Variants in MSRA observed in about 807,000 individuals in gnomAD.
MSRA encodes mitochondrial peptide methionine sulfoxide reductase.
A neutral mutation model predicts 31.3 loss-of-function variants in MSRA; 54 were observed. That is an observed-to-expected ratio of 1.73 (90% confidence interval 1.39 to 2.17). The LOEUF is 2.17. MSRA is among the 30% of genes most tolerant of loss of function. The pLI is 0.00. For synonymous variants in MSRA, 169 were observed against 116.5 expected, an observed-to-expected ratio of 1.45 and a Z score of -2.90; for missense variants, 507 against 300.9, an observed-to-expected ratio of 1.69 and a Z score of -5.07.
intron 1 of MSRA, among the ~76,000 whole-genome samples, chr8:10,178,736 G>GAAAGATTGGAAACTCTCAATTTTGTC (rs1477903060): frequency 6.6e-6 from 1 of 152,130 alleles, no homozygotes; most frequent in Admixed American, 6.5e-5. Flanking sequence ...CTGTGATGTT[G>GAAAGATTGGAAACTCTCAATTTTGTC]AAAGATTGGA....
At chr8:10,315,223 C>G (rs1029575711) in intron 4 of MSRA, among the ~76,000 whole-genome samples, 1 of 152,132 alleles carries the variant, frequency 6.6e-6, no homozygotes, top group Admixed American at 6.5e-5. Context: ...AGCTACAGCT[C>G]AAGATGAGAT....
chr8:10,374,589 G>T (rs978424247), intron 5 of MSRA, among the ~76,000 whole-genome samples: 23 of 152,204 alleles, frequency 1.5e-4, no homozygotes, highest in African/African-American at 5.5e-4. Context: ...GGCCTTCCCT[G>T]TGTCCCACTC....
At chr8:10,364,318 CA>C (rs1257322795) in intron 5 of MSRA, among the ~76,000 whole-genome samples, 1 of 152,164 alleles carries the variant, frequency 6.6e-6, no homozygotes, top group East Asian at 1.9e-4. Context: ...GAATCATCAA[CA>C]CAGGCTCCTG....
chr8:10,210,189 G>A (rs540330802), intron 2 of MSRA, among the ~76,000 whole-genome samples: 3 of 152,284 alleles, frequency 2.0e-5, no homozygotes, highest in Admixed American at 6.5e-5. Flanking sequence ...CATCCTGCCA[G>A]CCTCTTGCAA....
chr8:10,176,238 C>T (rs1444624690), intron 1 of MSRA, among the ~76,000 whole-genome samples: 1 of 152,224 alleles, frequency 6.6e-6, no homozygotes, highest in Admixed American at 6.5e-5. Flanking sequence ...TTCAGGAGAG[C>T]CTGCCTGTGG....
rs369983705 is a variant in MSRA, at chr8:10,409,527, C to G, written c.544-18621C>G. On this transcript the variant is annotated intron_variant, in intron 5 of 5. Transcript: ENST00000317173. ...TGGGTTGAAATACTGCCTCTCCTCT[C>G]CTTTGCTAAGCACCCTTCTTACCAA... is the stretch of plus-strand genomic sequence containing the variant. Among the ~76,000 whole-genome samples, 40 of 152,334 alleles carry G rather than the reference C, an allele frequency of 2.6e-4. No homozygotes were observed. In the East Asian group the frequency reaches 4.8e-3, roughly 18 times the overall value.
chr8:10,071,916 A>T (rs1797751745), intron 1 of MSRA, among the ~76,000 whole-genome samples: 1 of 152,232 alleles, frequency 6.6e-6, no homozygotes, highest in South Asian at 2.1e-4. Context: ...ATAGTTACAC[A>T]GAGAAGAGAC....
rs1799965341 is a variant in MSRA, at chr8:10,286,870, C to T, written c.332-14664C>T. ...TTTATAGTTAAAGCCTGTGTGTACG[C>T]ACATGTGTGTGCACACACGTGTATA... On this transcript the variant is annotated intron_variant, in intron 3 of 5. Coordinates refer to ENST00000317173, the MANE Select transcript of MSRA (RefSeq NM_012331.5). Among the ~76,000 whole-genome samples the T allele has an allele frequency of 2.0e-5, 3 of 152,246 alleles. No homozygotes were observed. In the South Asian group the frequency reaches 6.2e-4, roughly 31 times the overall value.
At chr8:10,236,864 T>C (rs532571106) in intron 2 of MSRA, among the ~76,000 whole-genome samples, 1 of 152,284 alleles carries the variant, frequency 6.6e-6, no homozygotes, top group South Asian at 2.1e-4. Flanking sequence ...AAGATCTTTA[T>C]GGAGAAAATT....
At chr8:10,340,507 G>A (rs1803358206) in intron 5 of MSRA, among the ~76,000 whole-genome samples, 1 of 152,152 alleles carries the variant, frequency 6.6e-6, no homozygotes, top group Admixed American at 6.5e-5. Context: ...AGAATAGCTG[G>A]GATTTTAGGC....
At chr8:10,169,735 C>T (rs1351808148) in intron 1 of MSRA, among the ~76,000 whole-genome samples, 2 of 152,132 alleles carry the variant, frequency 1.3e-5, no homozygotes, top group Non-Finnish European at 2.9e-5. Context: ...TAAATGATAC[C>T]TTAAAAACTG....
At chr8:10,059,931 C>G (rs1425454681) in intron 1 of MSRA, among the ~76,000 whole-genome samples, 7 of 152,198 alleles carry the variant, frequency 4.6e-5, no homozygotes, top group African/African-American at 1.7e-4. Context: ...ATGTTTCAGA[C>G]TGGCAGAAAT....
intron 1 of MSRA, among the ~76,000 whole-genome samples, chr8:10,063,391 A>G (rs2628136): frequency 0.21 from 32,435 of 152,232 alleles, 3,651 homozygotes; most frequent in Admixed American, 0.3. Context: ...GACCTGTCCA[A>G]TGACACTCTT....
At chr8:10,140,468 C>T (rs367970572) in intron 1 of MSRA, among the ~76,000 whole-genome samples, 1 of 152,116 alleles carries the variant, frequency 6.6e-6, no homozygotes, top group Non-Finnish European at 1.5e-5. Context: ...CAGGCATTTG[C>T]CATAAATGTT....
chr8:10,160,264 G>A (rs1409254496), intron 1 of MSRA, among the ~76,000 whole-genome samples: 1 of 152,116 alleles, frequency 6.6e-6, no homozygotes, highest in Non-Finnish European at 1.5e-5. Context: ...GGAGGCTGAG[G>A]TGGGCAGATC....
intron 1 of MSRA, among the ~76,000 whole-genome samples, chr8:10,142,457 C>T (rs1050459018): frequency 6.6e-6 from 1 of 152,166 alleles, no homozygotes; most frequent in African/African-American, 2.4e-5. Context: ...GCTGCACTGC[C>T]CTTCAGTGGT....
intron 3 of MSRA, among the ~76,000 whole-genome samples, chr8:10,250,095 C>G (rs971021677): frequency 6.6e-6 from 1 of 152,156 alleles, no homozygotes; most frequent in Non-Finnish European, 1.5e-5. Context: ...TGGGCTGACA[C>G]TGGTTTTCTC....
intron 5 of MSRA, chr8:10,337,613 C>A: frequency 1.5e-6 from 1 of 664,724 alleles, no homozygotes; most frequent in Admixed American, 2.3e-5. Flanking sequence ...GTTAATTTTT[C>A]TGGTCCTGAT....
intron 5 of MSRA, among the ~76,000 whole-genome samples, chr8:10,344,215 ACT>A (rs1421092466): frequency 6.6e-6 from 1 of 151,914 alleles, no homozygotes; most frequent in Admixed American, 6.6e-5. Flanking sequence ...AAGTGCCTTG[ACT>A]CTCTGGTCTT....
Sources: allele counts gnomAD v4.1 joint callset (sites outside exome capture counted in the v4.1 genomes callset), GRCh38; gene constraint gnomAD v4.1.1; transcripts MANE v1.5; gene names NCBI Gene and HGNC (gene_info 2026-07-23, HGNC 2026-07-21).